The following MYT1L variants were observed in gnomAD, a reference collection of about 807,000 sequenced individuals.
MYT1L encodes myelin transcription factor 1 like.
A neutral mutation model predicts 126.7 loss-of-function variants in MYT1L; 12 were observed. The ratio of observed to expected loss-of-function variants is 0.09; its 90% CI spans 0.06 to 0.15. The LOEUF (loss-of-function observed/expected upper bound fraction) is 0.15, where lower values mean the gene tolerates loss of function less well. Ranked by LOEUF, MYT1L falls within the 10% of genes least tolerant of loss-of-function variation. MYT1L has a pLI of 1.00. For synonymous variants in MYT1L, 541 were observed against 604.2 expected (o/e 0.90, Z 1.53); for missense variants, 979 against 1,585.2 (o/e 0.62, Z 6.49).
chr2:1,857,893 C>T (rs1250654096), intron 18 of MYT1L, among the ~76,000 whole-genome samples: 2 of 151,452 alleles, frequency 1.3e-5, no homozygotes, highest in African/African-American at 2.4e-5. Context: ...GACAGAGTCT[C>T]ACTCTGTTGC....
intron 4 of MYT1L, among the ~76,000 whole-genome samples, chr2:2,006,237 C>T (rs1277856741): frequency 1.3e-5 from 2 of 152,136 alleles, no homozygotes; most frequent in Non-Finnish European, 1.5e-5. Flanking sequence ...CCTAGTTTCT[C>T]CATTTCATTA....
chr2:1,829,138 T>C (rs1219851935), intron 21 of MYT1L, among the ~76,000 whole-genome samples: 2 of 152,102 alleles, frequency 1.3e-5, no homozygotes, highest in Non-Finnish European at 2.9e-5. Flanking sequence ...GAAGATGGCG[T>C]TGGGCCTCTC....
chr2:2,073,985 C>T (rs189726443), intron 3 of MYT1L, among the ~76,000 whole-genome samples: 4 of 152,094 alleles, frequency 2.6e-5, no homozygotes, highest in African/African-American at 7.2e-5. Context: ...ACAAGACTCT[C>T]GAGGCCCTGT....
intron 2 of MYT1L, among the ~76,000 whole-genome samples, chr2:2,193,165 A>G (rs2092668560): frequency 6.6e-6 from 1 of 151,942 alleles, no homozygotes; most frequent in African/African-American, 2.4e-5. Flanking sequence ...TTTAGTAGAG[A>G]CGGGGTTTCA....
At chr2:2,205,264 T>C (rs2093269188) in intron 2 of MYT1L, among the ~76,000 whole-genome samples, 2 of 151,856 alleles carry the variant, frequency 1.3e-5, no homozygotes, top group African/African-American at 4.8e-5. Context: ...ACGTAAAGTA[T>C]AATAATAAAA....
chr2:1,832,076 G>A (rs758590854), intron 21 of MYT1L, among the ~76,000 whole-genome samples: 13 of 152,116 alleles, frequency 8.5e-5, no homozygotes, highest in Admixed American at 2.0e-4. Flanking sequence ...GTCCCTCGAG[G>A]TTCCTGTGTT....
At chr2:2,281,326 G>A (rs992057475) in intron 2 of MYT1L, among the ~76,000 whole-genome samples, 3 of 152,180 alleles carry the variant, frequency 2.0e-5, no homozygotes, top group Admixed American at 6.5e-5. Flanking sequence ...AAATCATCGG[G>A]TATTTCTTCA....
intron 18 of MYT1L, among the ~76,000 whole-genome samples, chr2:1,880,632 G>C (rs949723111): frequency 2.6e-5 from 4 of 152,206 alleles, no homozygotes; most frequent in African/African-American, 9.6e-5. Context: ...CACAGTTGTT[G>C]TCAGTGGTAA....
At chr2:2,306,542 A>G (rs1380065857) in intron 1 of MYT1L, among the ~76,000 whole-genome samples, 1 of 152,148 alleles carries the variant, frequency 6.6e-6, no homozygotes, top group African/African-American at 2.4e-5. Flanking sequence ...GGGCCTTGGG[A>G]ATATCTTTCC....
intron 4 of MYT1L, among the ~76,000 whole-genome samples, chr2:2,034,150 G>A (rs910035154): frequency 2.0e-5 from 3 of 152,142 alleles, no homozygotes; most frequent in Admixed American, 6.5e-5. Flanking sequence ...TAGGGACATT[G>A]AAGGGAAAGG....
At chr2:2,157,420 A>G (rs1467066668) in intron 3 of MYT1L, among the ~76,000 whole-genome samples, 1 of 152,152 alleles carries the variant, frequency 6.6e-6, no homozygotes, top group Non-Finnish European at 1.5e-5. Context: ...TAATTTCTTT[A>G]TTATTCTGGA....
intron 14 of MYT1L, among the ~76,000 whole-genome samples, chr2:1,898,424 T>A (rs2148922301): frequency 6.6e-6 from 1 of 152,302 alleles, no homozygotes; most frequent in Admixed American, 6.5e-5. Flanking sequence ...TGGGATGACA[T>A]CTCCAAGGCA....
In MYT1L at chr2:1,814,089, G is replaced by A. The variant is rs1364530110; in HGVS notation, c.3081-4922C>T. The stretch of plus-strand genomic sequence containing the variant: ...TGAAACCGGTCCCTTGTGCCAAAAG[G>A]TTGGGGGCCGCTGTCCTAGATGGCC... On this transcript the variant is annotated intron_variant, in intron 21 of 24. Transcript: ENST00000647738. Among the ~76,000 whole-genome samples the A allele has an allele frequency of 2.6e-5, 4 of 151,502 alleles. No individual in the cohort carries two copies. The East Asian group carries it at 7.8e-4, about 29-fold the overall frequency.
rs959258547 is a variant in MYT1L at position 2,098,468 on chromosome 2, G to A, written c.-303-44345C>T. ...ATAATTTGTTGCATTAGATTATCCT[G>A]AGCCATGAGTTTGGCTGTTTTCTAG... is the stretch of plus-strand genomic sequence containing the variant. On this transcript the variant is annotated intron_variant, in intron 3 of 24. Coordinates refer to ENST00000647738, the MANE Select transcript of MYT1L (RefSeq NM_001303052.2). Among the ~76,000 whole-genome samples the A allele has an allele frequency of 2.0e-5, 3 of 152,176 alleles. No individual in the cohort carries two copies. In the East Asian group the frequency reaches 5.8e-4, roughly 29 times the overall value.
rs903282975 is a variant in MYT1L, at chr2:1,910,112, C to A, written c.1817+128G>T. 8.3e-6 allele frequency: 7 copies of A among 839,012 alleles called. No homozygotes were observed. Among genetic ancestry groups the A allele is most frequent in the Non-Finnish European group, 1.3e-5 (7 of 535,612 alleles). 52.0% of individuals were successfully genotyped at this position (839,012 alleles called of 1,614,324 possible). A position where few individuals can be genotyped will look rare whatever the true frequency, so the allele number is the denominator to read the frequency against. ...GAGGGGTCCTGGCCCCGGCTTCCAGCACAGCCCCGCCCTCCAGTCCCTGCC... is the reference window on the plus strand; with the variant it reads ...GAGGGGTCCTGGCCCCGGCTTCCAGAACAGCCCCGCCCTCCAGTCCCTGCC... On this transcript the variant is annotated intron_variant, in intron 13 of 24. Coordinates refer to ENST00000647738, the MANE Select transcript of MYT1L (RefSeq NM_001303052.2). This position sits in a 1 kb window ranked among gnomAD's most constrained non-coding sequence, Gnocchi z 4.8.
At position 2,094,019 on chromosome 2, in the gene MYT1L, C is replaced by G. The variant is rs150640294; in HGVS notation, c.-303-39896G>C. Among the ~76,000 whole-genome samples, 507 of 152,296 alleles carry G rather than the reference C, an allele frequency of 3.3e-3. 4 individuals carry two copies. The highest frequency in any genetic ancestry group is 0.012 in the African/African-American group (493 of 41,564). ...TAGTTGTAGATGTGTGGTATTACTT[C>G]TGAGGGCTCTGTTCTGTTCCATTGG... On this transcript the variant is annotated intron_variant, in intron 3 of 24. Transcript: ENST00000647738.
rs114132068 is a variant in MYT1L at position 1,929,461 on chromosome 2, C to T, written c.506-6198G>A. ...GACGCGGCATTGACAGTGGGATGCACGTGTCTTCCCTGCCAGGCCGCACTG... is the reference window on the plus strand; with the variant it reads ...GACGCGGCATTGACAGTGGGATGCATGTGTCTTCCCTGCCAGGCCGCACTG... On this transcript the variant is annotated intron_variant, in intron 9 of 24. Transcript: ENST00000647738. The surrounding 1 kb of genome is among the most constrained non-coding windows in gnomAD (Gnocchi z 4.7). 1.6e-3 allele frequency among the ~76,000 whole-genome samples: 251 copies of T among 152,284 alleles called. No individual in the cohort carries two copies. Among genetic ancestry groups the T allele is most frequent in the African/African-American group, 5.8e-3 (242 of 41,562 alleles).
chr2:1,889,324 C>T lies in MYT1L; in HGVS notation c.2437G>A (p.Glu813Lys), dbSNP rs2048541733. The T allele has an allele frequency of 6.2e-7, 1 of 1,613,842 alleles. No individual in the cohort carries two copies. Among genetic ancestry groups the T allele is most frequent in the Non-Finnish European group, 8.5e-7 (1 of 1,179,872 alleles). Residue 813 changes from glutamate to lysine, a missense_variant, in exon 16 of 25, where the codon GAG becomes AAG. Glu to Lys is a moderately conservative substitution (Grantham distance 56). Coordinates refer to ENST00000647738, the MANE Select transcript of MYT1L (RefSeq NM_001303052.2). The surrounding 1 kb of genome is among the most constrained non-coding windows in gnomAD (Gnocchi z 4.1). ...ACGGGCAAGTCCCAGCAGTCGCCCT[C>T]GCCCAGCTGGAAACACCGGTTGTTC... ...VMNNRCFQLG[E>K]GDCWDLPVDY...
At chr2:1,921,125 T>A (rs2053521783) in intron 10 of MYT1L, among the ~76,000 whole-genome samples, 1 of 152,240 alleles carries the variant, frequency 6.6e-6, no homozygotes, top group African/African-American at 2.4e-5. Flanking sequence ...GATTTTCAAG[T>A]AAATTCCTGA....
Sources: gnomAD v4.1 joint callset for allele counts (sites outside exome capture counted in the v4.1 genomes callset) on GRCh38, gnomAD v4.1.1 for gene constraint, Gnocchi (gnomAD v3.1) non-coding constraint, MANE v1.5 for transcripts, NCBI Gene and HGNC (gene_info 2026-07-23, HGNC 2026-07-21) for gene names.